The following LRBA variants were observed in gnomAD, a reference collection of about 807,000 sequenced individuals.
LRBA encodes the protein LPS responsive beige-like anchor protein.
In LRBA, 176 loss-of-function variants were observed where a neutral mutation model predicts 330.0. The observed-to-expected ratio is 0.53, with a 90% CI of 0.47 to 0.60. LRBA has a LOEUF of 0.60. Among genes scored for constraint, LRBA ranks in the 20% least tolerant of loss-of-function variants. The pLI, the probability that LRBA is intolerant of heterozygous loss-of-function variation, is 0.00. For synonymous variants in LRBA, 1,230 were observed against 1,193.0 expected (o/e 1.03, Z -0.64); for missense variants, 3,259 against 3,444.8 (o/e 0.95, Z 1.35).
intron 45 of LRBA, 84 bp from the exon 46 acceptor site, chr4:150,435,792 T>TAGTTCTA: frequency 9.9e-7 from 1 of 1,014,428 alleles, no homozygotes; most frequent in Non-Finnish European, 1.5e-6. Context: ...CTAAATACTT[T>TAGTTCTA]AATGACTAAT....
At chr4:150,827,913 T>C (rs1746507554) in intron 30 of LRBA, among the ~76,000 whole-genome samples, 1 of 152,096 alleles carries the variant, frequency 6.6e-6, no homozygotes, top group African/African-American at 2.4e-5. Flanking sequence ...TCCTTATGAT[T>C]TTCTTAATAA....
intron 30 of LRBA, among the ~76,000 whole-genome samples, chr4:150,821,000 G>A (rs1745354910): frequency 6.6e-6 from 1 of 152,028 alleles, no homozygotes; most frequent in East Asian, 1.9e-4. Context: ...AATGCAATAT[G>A]CATTTGACAA....
At chr4:150,345,436 C>A (rs1736153202) in intron 48 of LRBA, among the ~76,000 whole-genome samples, 1 of 152,158 alleles carries the variant, frequency 6.6e-6, no homozygotes, top group African/African-American at 2.4e-5. Context: ...TTTTATGATT[C>A]TTTCTATGAT....
intron 40 of LRBA, among the ~76,000 whole-genome samples, chr4:150,571,921 C>T (rs1246181142): frequency 6.6e-6 from 1 of 151,338 alleles, no homozygotes; most frequent in Non-Finnish European, 1.5e-5. Context: ...CCTGGTACGA[C>T]CCAAACTCCC....
In LRBA at chr4:150,905,865, A is replaced by G; in HGVS notation, c.1728T>C (p.Pro576=). Residue 576 remains proline, a synonymous_variant, in exon 13 of 57, where the codon CCT becomes CCC. Transcript: ENST00000651943. ...KQLCDHVLLN[P]AIWIHTPAKV... The stretch of plus-strand genomic sequence containing the variant: ...TGGCTGGGGTATGAATCCATATGGC[A>G]GGATTAAGAAGAACGTGATCACACA... 5.6e-6 allele frequency: 9 copies of G among 1,613,430 alleles called. No individual in the cohort carries two copies. The highest frequency in any genetic ancestry group is 6.8e-6 in the Non-Finnish European group (8 of 1,179,484).
At chr4:150,503,330 G>A (rs548160483) in intron 40 of LRBA, among the ~76,000 whole-genome samples, 132 of 152,248 alleles carry the variant, frequency 8.7e-4, no homozygotes, top group Non-Finnish European at 1.6e-3. Context: ...CACCTCACAC[G>A]GCCGGGTACT....
intron 47 of LRBA, among the ~76,000 whole-genome samples, chr4:150,371,339 C>T (rs954171971): frequency 1.3e-5 from 2 of 151,362 alleles, no homozygotes; most frequent in Non-Finnish European, 2.9e-5. Context: ...ATTACAGTCG[C>T]CCGCCACCAC....
chr4:150,520,455 C>A (rs1040669967), intron 40 of LRBA, among the ~76,000 whole-genome samples: 2 of 151,214 alleles, frequency 1.3e-5, no homozygotes, highest in Non-Finnish European at 2.9e-5. Flanking sequence ...ACAAATTATT[C>A]CTAAGTATTT....
At chr4:150,755,566 A>C (rs916086138) in intron 35 of LRBA, among the ~76,000 whole-genome samples, 1 of 152,188 alleles carries the variant, frequency 6.6e-6, no homozygotes, top group African/African-American at 2.4e-5. Flanking sequence ...TGAGAATTTA[A>C]ATCTTAAAAT....
chr4:150,571,743 G>C (rs1329989417), intron 40 of LRBA, among the ~76,000 whole-genome samples: 1 of 137,212 alleles, frequency 7.3e-6, no homozygotes, highest in Non-Finnish European at 1.5e-5. Context: ...TCTACAGCTA[G>C]ATGATACTAC....
intron 40 of LRBA, among the ~76,000 whole-genome samples, chr4:150,521,221 A>T (rs1762890239): frequency 6.6e-6 from 1 of 151,584 alleles, no homozygotes; most frequent in East Asian, 1.9e-4. Flanking sequence ...TTTTCCTTTT[A>T]CCTTTATTAT....
intron 42 of LRBA, among the ~76,000 whole-genome samples, chr4:150,474,589 T>G (rs947402783): frequency 6.6e-6 from 1 of 152,184 alleles, no homozygotes; most frequent in Admixed American, 6.5e-5. Flanking sequence ...AAAACTACCC[T>G]ATTAATTATA....
rs559138720 is a variant in LRBA, at chr4:150,351,547, G to A, written c.7195-1388C>T. Among the ~76,000 whole-genome samples the A allele has an allele frequency of 1.9e-3, 292 of 152,170 alleles. 1 individual carries two copies. Among genetic ancestry groups the A allele is most frequent in the African/African-American group, 6.4e-3 (264 of 41,530 alleles). The stretch of plus-strand genomic sequence containing the variant: ...TACTAAAAATACAAAAAATTAGCCG[G>A]GCGTGGTGGCGGGCGCCTGTAGTCC... On this transcript the variant is annotated intron_variant, in intron 47 of 56. Transcript: ENST00000651943.
At chr4:150,408,874 T>G (rs942999719) in intron 47 of LRBA, among the ~76,000 whole-genome samples, 3 of 152,122 alleles carry the variant, frequency 2.0e-5, no homozygotes, top group Non-Finnish European at 4.4e-5. Flanking sequence ...GTTTTACCTT[T>G]ATATATAAAG....
chr4:150,736,765 G>A (rs1731236816), intron 35 of LRBA, among the ~76,000 whole-genome samples: 1 of 152,144 alleles, frequency 6.6e-6, no homozygotes, highest in Non-Finnish European at 1.5e-5. Context: ...CCCAAGCAGG[G>A]TTTTTAAGGA....
intron 47 of LRBA, among the ~76,000 whole-genome samples, chr4:150,402,637 T>C (rs1178694314): frequency 3.9e-5 from 6 of 152,098 alleles, no homozygotes; most frequent in Admixed American, 2.0e-4. Context: ...GAATAACTGT[T>C]AGTGGAGAGA....
intron 36 of LRBA, among the ~76,000 whole-genome samples, chr4:150,689,335 G>A (rs564459086): frequency 3.7e-4 from 57 of 152,174 alleles, no homozygotes; most frequent in Non-Finnish European, 6.2e-4. Context: ...GGGAGGGATA[G>A]CATTAAGAGA....
At chr4:150,579,565 T>C in intron 40 of LRBA, 1 of 426,560 alleles carries the variant, frequency 2.3e-6, no homozygotes, top group Admixed American at 2.6e-5. Flanking sequence ...AATCAAAACA[T>C]TTGTAACGTT....
intron 40 of LRBA, chr4:150,579,280 C>G (rs1770917415): frequency 2.2e-6 from 1 of 456,280 alleles, no homozygotes; most frequent in African/African-American, 2.0e-5. Context: ...CCGTTTCCCC[C>G]TTCAATTATT....
Sources: gnomAD v4.1 joint callset for allele counts (sites outside exome capture counted in the v4.1 genomes callset) on GRCh38, gnomAD v4.1.1 for gene constraint, MANE v1.5 for transcripts, NCBI Gene and HGNC (gene_info 2026-07-23, HGNC 2026-07-21) for gene names.